ITCH: variants seen among roughly 807,000 people sequenced by gnomAD.
The protein encoded by ITCH is E3 ubiquitin-protein ligase Itchy homolog.
A neutral mutation model predicts 126.8 loss-of-function variants in ITCH; 28 were observed. The ratio of observed to expected loss-of-function variants is 0.22; its 90% CI spans 0.16 to 0.30. ITCH has a LOEUF of 0.30. Ranked by LOEUF, ITCH falls within the 10% of genes least tolerant of loss-of-function variation. ITCH has a pLI of 1.00. For missense variants in ITCH, 631 were observed against 1,032.4 expected, an observed-to-expected ratio of 0.61 and a Z score of 5.33; for synonymous variants, 342 against 340.0, an observed-to-expected ratio of 1.01 and a Z score of -0.06.
At chr20:34,495,067 C>T (rs1468374866) in intron 23 of ITCH, among the ~76,000 whole-genome samples, 1 of 142,932 alleles carries the variant, frequency 7.0e-6, no homozygotes, top group African/African-American at 2.6e-5. Context: ...GCCTGGCCAT[C>T]GTGGTAAATC....
At chr20:34,429,977 A>G (rs981528228) in intron 7 of ITCH, among the ~76,000 whole-genome samples, 3 of 152,216 alleles carry the variant, frequency 2.0e-5, no homozygotes, top group South Asian at 2.1e-4. Flanking sequence ...TGAGAAACAC[A>G]GGTTGTTTTG....
At chr20:34,372,398 T>TTTTTTTTTTTTTTTTTTTTGGG (rs1568853572) in intron 2 of ITCH, among the ~76,000 whole-genome samples, 1 of 142,674 alleles carries the variant, frequency 7.0e-6, no homozygotes, top group African/African-American at 2.7e-5. Context: ...TTTTTTTTTT[T>TTTTTTTTTTTTTTTTTTTTGGG]GAGAGGGAAT....
intron 5 of ITCH, among the ~76,000 whole-genome samples, chr20:34,413,321 C>G (rs1402823157): frequency 6.6e-6 from 1 of 151,788 alleles, no homozygotes; most frequent in Non-Finnish European, 1.5e-5. Context: ...TTTTTCTACC[C>G]CTCGACTATC....
Position 34,473,141 on chromosome 20 carries a change from G to T in ITCH, c.1569+1626G>T, listed in dbSNP as rs8121783. Among the ~76,000 whole-genome samples the T allele has an allele frequency of 7.6e-3, 1,160 of 152,246 alleles. 18 individuals are homozygous for T. The highest frequency in any genetic ancestry group is 0.027 in the African/African-American group (1,116 of 41,538). The stretch of plus-strand genomic sequence containing the variant: ...AAGAGAACAATTTGATTGCTTAAAG[G>T]TAACAAAACTAATTGCAAAATTAGC... On this transcript the variant is annotated intron_variant, in intron 16 of 24. Coordinates refer to ENST00000374864, the MANE Select transcript of ITCH (RefSeq NM_031483.7).
intron 2 of ITCH, among the ~76,000 whole-genome samples, chr20:34,390,154 G>T (rs1261898310): frequency 6.6e-6 from 1 of 151,764 alleles, no homozygotes; most frequent in Non-Finnish European, 1.5e-5. Context: ...TAGCATGATG[G>T]TTTCACTTCA....
chr20:34,460,527 G>C (rs965765909), intron 13 of ITCH, among the ~76,000 whole-genome samples: 1 of 152,120 alleles, frequency 6.6e-6, no homozygotes, highest in African/African-American at 2.4e-5. Context: ...TGTAGTAGGA[G>C]TAATAACAAT....
intron 2 of ITCH, among the ~76,000 whole-genome samples, chr20:34,387,265 T>G (rs931383597): frequency 6.6e-6 from 1 of 150,426 alleles, no homozygotes; most frequent in Non-Finnish European, 1.5e-5. Context: ...ATTGCGCCCC[T>G]GCACTCCAGC....
intron 3 of ITCH, among the ~76,000 whole-genome samples, chr20:34,398,354 C>T (rs1296569034): frequency 6.6e-6 from 1 of 151,954 alleles, no homozygotes; most frequent in Non-Finnish European, 1.5e-5. Flanking sequence ...TGAGCCACCT[C>T]ACTCAGCCAC....
chr20:34,481,109 G>A lies in ITCH; in HGVS notation c.1996G>A (p.Val666Ile), dbSNP rs544554436. 10 of 1,613,468 alleles carry A rather than the reference G, an allele frequency of 6.2e-6. No homozygotes were observed. Among genetic ancestry groups the A allele is most frequent in the African/African-American group, 1.3e-5 (1 of 75,036 alleles). The change falls in exon 20 of 25, where the codon GTT becomes ATT. Residue 666 changes from valine (V) to isoleucine (I), a missense_variant. By Grantham distance (29) the Val-to-Ile change is conservative. Around this residue, in one of 4 missense-constraint regions of ITCH, gnomAD observed 390 missense variants for 731.6 expected, o/e 0.53. Transcript: ENST00000374864. The stretch of plus-strand genomic sequence containing the variant: ...ATGTGATTTGGAAATGTACTTCTCC[G>A]TTGACAAAGAAATTCTAGGTGAAAT... ...EECDLEMYFS[V>I]DKEILGEIKS...
intron 9 of ITCH, among the ~76,000 whole-genome samples, chr20:34,441,298 A>G (rs1332734865): frequency 1.3e-5 from 2 of 152,156 alleles, no homozygotes; most frequent in Non-Finnish European, 2.9e-5. Context: ...ATCATAGCAA[A>G]GTGATAGATA....
At chr20:34,455,748 A>C (rs2146346747) in intron 12 of ITCH, among the ~76,000 whole-genome samples, 1 of 151,910 alleles carries the variant, frequency 6.6e-6, no homozygotes, top group South Asian at 2.1e-4. Flanking sequence ...AACGTGCTAG[A>C]ATTACAGGCA....
chr20:34,405,900 G>A (rs1215337176), intron 3 of ITCH, among the ~76,000 whole-genome samples: 8 of 150,782 alleles, frequency 5.3e-5, no homozygotes, highest in African/African-American at 9.8e-5. Context: ...CTGGTATTAC[G>A]TGCCCGGCCT....
chr20:34,401,649 A>G (rs2038887843), intron 3 of ITCH: 1 of 982,264 alleles, frequency 1.0e-6, no homozygotes, highest in Middle Eastern at 5.2e-4. Flanking sequence ...AACTAGACCT[A>G]GGAAGTAGAC....
chr20:34,420,036 T>C lies in ITCH; in HGVS notation c.476-4444T>C, dbSNP rs564700234. The stretch of plus-strand genomic sequence containing the variant: ...GCTTGAGAGTAGAATTGCTGGGGTA[T>C]GTTTATTTTCAGCTTTACAATATTA... On this transcript the variant is annotated intron_variant, in intron 6 of 24. Transcript: ENST00000374864. Among the ~76,000 whole-genome samples, 9 of 152,300 alleles carry C rather than the reference T, an allele frequency of 5.9e-5. No individual in the cohort carries two copies. In the South Asian group the frequency reaches 1.9e-3, roughly 32 times the overall value.
At chr20:34,369,555 G>C (rs1449974326) in intron 2 of ITCH, 85 bp downstream of exon 2, 1 of 393,930 alleles carries the variant, frequency 2.5e-6, no homozygotes, top group Non-Finnish European at 4.5e-6. Flanking sequence ...TGAGGAGAGA[G>C]CAGTGTTGAT....
In ITCH at chr20:34,469,761, CAGAT is replaced by C. The variant is rs1331946297; in HGVS notation, c.1425-283_1425-280del. On this transcript the variant is annotated intron_variant, in intron 14 of 24. Coordinates refer to ENST00000374864, the MANE Select transcript of ITCH (RefSeq NM_031483.7). ...TTGATGTTGGGATAGACAGCATTCT[CAGAT>C]AGAAACCCCTTTACTTAGCCCTCTT... Among the ~76,000 whole-genome samples the C allele has an allele frequency of 4.6e-5, 7 of 152,148 alleles. No individual in the cohort carries two copies. The East Asian group carries it at 5.8e-4, about 13-fold the overall frequency.
chr20:34,383,154 G>A lies in ITCH; in HGVS notation c.-21-10637G>A, dbSNP rs183808855. Among the ~76,000 whole-genome samples the A allele has an allele frequency of 1.4e-3, 219 of 152,202 alleles. 1 individual carries two copies. The highest frequency in any genetic ancestry group is 3.4e-3 in the Admixed American group (52 of 15,252). ...CCTCTCGGGCTCTGGCGATGCTCCT[G>A]TGTCAGTCTCCTGAGTAGCTGGGAC... On this transcript the variant is annotated intron_variant, in intron 2 of 24. Transcript: ENST00000374864.
chr20:34,363,757 T>G (rs2037293119), intron 1 of ITCH, among the ~76,000 whole-genome samples: 1 of 151,992 alleles, frequency 6.6e-6, no homozygotes, highest in Admixed American at 6.6e-5. Context: ...GACGTGGCCC[T>G]GTGAGGGGCG....
At chr20:34,475,268 G>A (rs1461271793) in intron 16 of ITCH, among the ~76,000 whole-genome samples, 1 of 152,198 alleles carries the variant, frequency 6.6e-6, no homozygotes, top group Non-Finnish European at 1.5e-5. Flanking sequence ...CCGGGCAGAG[G>A]CTGCAATCTC....
Sources: gnomAD v4.1 joint callset for allele counts (sites outside exome capture counted in the v4.1 genomes callset) on GRCh38, gnomAD v4.1.1 for gene constraint, gnomAD v4.1.1 regional missense constraint, MANE v1.5 for transcripts, NCBI Gene and HGNC (gene_info 2026-07-23, HGNC 2026-07-21) for gene names.